ADAM7: variants seen among roughly 807,000 people sequenced by gnomAD.
ADAM7 encodes ADAM metallopeptidase domain 7.
A neutral mutation model predicts 102.9 loss-of-function variants in ADAM7; 97 were observed. The observed-to-expected ratio is 0.94, with a 90% CI of 0.80 to 1.12. The LOEUF (loss-of-function observed/expected upper bound fraction) is 1.12, where lower values mean the gene tolerates loss of function less well. ADAM7 is among the 50% of genes most tolerant of loss of function. The pLI is 0.00. For missense variants in ADAM7, 991 were observed against 908.7 expected, an observed-to-expected ratio of 1.09 and a Z score of -1.16; for synonymous variants, 334 against 304.4, an observed-to-expected ratio of 1.10 and a Z score of -1.01.
rs1455689036 is a variant in ADAM7, at chr8:24,493,026, T to C, written c.1656-17T>C. ...GTATTTCTAGTTCCAAGTTTGAATA[T>C]TCTGCCTTTCCTTCAGAGATGTCAG... On this transcript the variant is annotated splice_polypyrimidine_tract_variant and intron_variant, in intron 15 of 21. Coordinates refer to ENST00000175238, the MANE Select transcript of ADAM7 (RefSeq NM_003817.4). The C allele has an allele frequency of 1.9e-6, 3 of 1,553,166 alleles. No homozygotes were observed. In the Admixed American group the frequency reaches 6.5e-5, roughly 34 times the overall value.
At chr8:24,450,062 G>A (rs1172859865) in intron 3 of ADAM7, among the ~76,000 whole-genome samples, 5 of 152,134 alleles carry the variant, frequency 3.3e-5, no homozygotes, top group South Asian at 2.1e-4. Flanking sequence ...GCCTTGTAGT[G>A]TAGTTTGAAG....
intron 20 of ADAM7, among the ~76,000 whole-genome samples, chr8:24,503,892 G>C (rs548939677): frequency 1.3e-5 from 2 of 152,058 alleles, no homozygotes; most frequent in South Asian, 4.2e-4. Context: ...GGGGAACAAG[G>C]GGAGGGATAG....
intron 10 of ADAM7, among the ~76,000 whole-genome samples, chr8:24,486,971 A>G (rs975705639): frequency 1.3e-5 from 2 of 152,218 alleles, no homozygotes; most frequent in Non-Finnish European, 1.5e-5. Flanking sequence ...TTCAAATGTT[A>G]GAGCTAGAGA....
At chr8:24,499,457 T>C in intron 17 of ADAM7, 141 bp downstream of exon 17, 1 of 612,822 alleles carries the variant, frequency 1.6e-6, no homozygotes, top group South Asian at 4.2e-5. Flanking sequence ...GATTCATTTT[T>C]TCATGTGTTA....
At chr8:24,466,457 A>G (rs969827013) in intron 5 of ADAM7, among the ~76,000 whole-genome samples, 1 of 152,214 alleles carries the variant, frequency 6.6e-6, no homozygotes, top group African/African-American at 2.4e-5. Context: ...TTTCATATAT[A>G]TTCCATGTCA....
At position 24,466,988 on chromosome 8, in the gene ADAM7, A is replaced by G; in HGVS notation, c.579A>G (p.Lys193=). ...AATCTGAAGAAGACTCCAAAATAAA[A>G]GTGAGTACTTTATTATTATCTTTAC... ...DNESEEDSKI[K]GIHDEKYVEL... is the part of the protein sequence containing the mutation. The change falls in exon 6 of 22, where the codon AAA becomes AAG. Residue 193 remains lysine, a splice_region_variant and synonymous_variant. Coordinates refer to ENST00000175238, the MANE Select transcript of ADAM7 (RefSeq NM_003817.4). 2 of 1,610,382 alleles carry G rather than the reference A, an allele frequency of 1.2e-6. No homozygotes were observed. The highest frequency in any genetic ancestry group is 1.7e-6 in the Non-Finnish European group (2 of 1,176,874).
intron 13 of ADAM7, among the ~76,000 whole-genome samples, chr8:24,491,248 G>A (rs1820339101): frequency 6.6e-6 from 1 of 152,220 alleles, no homozygotes; most frequent in Non-Finnish European, 1.5e-5. Flanking sequence ...TTGGAAAGTG[G>A]CAGTGGCTAG....
chr8:24,504,515 C>T (rs1291975588), intron 20 of ADAM7, among the ~76,000 whole-genome samples: 1 of 151,826 alleles, frequency 6.6e-6, no homozygotes, highest in Non-Finnish European at 1.5e-5. Context: ...TGAAACTGCC[C>T]ATTAGGATTT....
At chr8:24,449,746 A>T (rs2129374486) in intron 3 of ADAM7, among the ~76,000 whole-genome samples, 1 of 152,198 alleles carries the variant, frequency 6.6e-6, no homozygotes, top group Admixed American at 6.5e-5. Flanking sequence ...CTGAATGGTA[A>T]TGCCTAGGTT....
At chr8:24,504,192 C>T (rs1041630805) in intron 20 of ADAM7, among the ~76,000 whole-genome samples, 2 of 151,720 alleles carry the variant, frequency 1.3e-5, no homozygotes, top group Non-Finnish European at 2.9e-5. Context: ...ATATGTCAAG[C>T]CTTTGTCTAT....
intron 21 of ADAM7, 27 bp downstream of exon 21, chr8:24,507,562 C>T: frequency 6.3e-7 from 1 of 1,575,660 alleles, no homozygotes; most frequent in Non-Finnish European, 8.7e-7. Context: ...GATAGTACCT[C>T]CCTTTTTTAT....
chr8:24,493,011 T>C (rs768427895), intron 15 of ADAM7, 32 bp from the exon 16 acceptor site: 4 of 1,538,982 alleles, frequency 2.6e-6, no homozygotes, highest in Middle Eastern at 1.8e-4. Context: ...GTATTTCTAG[T>C]TCCAAGTTTG....
intron 3 of ADAM7, among the ~76,000 whole-genome samples, chr8:24,458,938 C>T (rs907234372): frequency 6.6e-6 from 1 of 151,510 alleles, no homozygotes; most frequent in South Asian, 2.1e-4. Flanking sequence ...ATTTAATTTG[C>T]CAATATCTTA....
At chr8:24,504,235 G>A (rs1003394063) in intron 20 of ADAM7, among the ~76,000 whole-genome samples, 14 of 151,608 alleles carry the variant, frequency 9.2e-5, no homozygotes, top group African/African-American at 3.4e-4. Context: ...ACATAATGGT[G>A]CACACCTGTA....
At position 24,500,109 on chromosome 8, in the gene ADAM7, AAAGT is replaced by A; in HGVS notation, c.1924-64_1924-61del. On this transcript the variant is annotated intron_variant, in intron 17 of 21. Transcript: ENST00000175238. ...GTATGTTTGATGTAGAGGTAGCACT[AAAGT>A]AAGTGAGTTGCAGAACACAACTTAT... is the stretch of plus-strand genomic sequence containing the variant. 2.8e-6 allele frequency: 4 copies of A among 1,408,070 alleles called. No individual in the cohort carries two copies. The Middle Eastern group carries it at 5.4e-4, about 189-fold the overall frequency. The allele number at this position is 1,408,070 out of a possible 1,614,324, so 87.2% of individuals were successfully genotyped here. A position where few individuals can be genotyped will look rare whatever the true frequency, so the allele number is the denominator to read the frequency against.
chr8:24,492,576 G>C lies in ADAM7; in HGVS notation c.1634G>C (p.Arg545Thr). 6.2e-7 allele frequency: 1 copy of C among 1,612,558 alleles called. No individual in the cohort carries two copies. ...KFGYCKNKEN[R>T]FLPCEEKDVR... Reference sequence around the variant, plus strand: ...GGATACTGCAAAAACAAGGAAAACAGATTTCTTCCCTGTGAGGAGAAGTAA... The same window carrying C: ...GGATACTGCAAAAACAAGGAAAACACATTTCTTCCCTGTGAGGAGAAGTAA... The change falls in exon 15 of 22, where the codon AGA (arginine) becomes ACA (threonine). Residue 545 changes from arginine to threonine, a missense_variant. Arg to Thr is a moderately conservative substitution (Grantham distance 71). Coordinates refer to ENST00000175238, the MANE Select transcript of ADAM7 (RefSeq NM_003817.4).
intron 12 of ADAM7, among the ~76,000 whole-genome samples, chr8:24,490,108 C>A (rs935188350): frequency 1.3e-5 from 2 of 152,064 alleles, no homozygotes; most frequent in Non-Finnish European, 2.9e-5. Flanking sequence ...ATGCACAATA[C>A]CAGGAGGTCT....
chr8:24,478,572 T>A (rs997098344), intron 8 of ADAM7, among the ~76,000 whole-genome samples: 1 of 152,014 alleles, frequency 6.6e-6, no homozygotes, highest in African/African-American at 2.4e-5. Flanking sequence ...GAAAGGGAGG[T>A]CATTCCACAG....
At chr8:24,450,576 T>A (rs571871405) in intron 3 of ADAM7, among the ~76,000 whole-genome samples, 53 of 152,286 alleles carry the variant, frequency 3.5e-4, no homozygotes, top group Admixed American at 7.8e-4. Flanking sequence ...TTTCTAGATA[T>A]ACAATCGTGT....
Sources: gnomAD v4.1 joint callset for allele counts (sites outside exome capture counted in the v4.1 genomes callset) on GRCh38, gnomAD v4.1.1 for gene constraint, MANE v1.5 for transcripts, NCBI Gene and HGNC (gene_info 2026-07-23, HGNC 2026-07-21) for gene names.